JMJD1C: variants seen among roughly 807,000 people sequenced by gnomAD.
JMJD1C encodes the protein jumonji domain containing 1C.
Under a neutral mutation model 245.3 loss-of-function variants are expected in JMJD1C, and 31 were observed. The ratio of observed to expected loss-of-function variants is 0.13; its 90% confidence interval spans 0.09 to 0.17. The LOEUF (loss-of-function observed/expected upper bound fraction) is 0.17. JMJD1C is among the 10% of genes least tolerant of loss of function. The pLI is 1.00. For synonymous variants in JMJD1C, 1,057 were observed against 1,017.4 expected, an observed-to-expected ratio of 1.04 and a Z score of -0.74; for missense variants, 2,691 against 3,000.2, an observed-to-expected ratio of 0.90 and a Z score of 2.41.
chr10:63,286,677 G>A (rs1320210658), intron 2 of JMJD1C, among the ~76,000 whole-genome samples: 1 of 152,030 alleles, frequency 6.6e-6, no homozygotes, highest in South Asian at 2.1e-4. Flanking sequence ...TTTCAAATAC[G>A]AAAAATCTAG....
In JMJD1C at chr10:63,167,812, T is replaced by C. The variant is rs1841984868; in HGVS notation, c.*233A>G. The C allele has an allele frequency of 7.0e-6, 3 of 426,576 alleles. No homozygotes were observed. Among genetic ancestry groups the C allele is most frequent in the Non-Finnish European group, 8.4e-6 (2 of 237,334 alleles). 26.4% of individuals were successfully genotyped at this position (426,576 alleles called of 1,614,324 possible). A position where few individuals can be genotyped will look rare whatever the true frequency, so the allele number is the denominator to read the frequency against. ...TTCACAAACATCATATACACTATAA[T>C]ACAAAACAGCTATATAGTGCTGCTT... is the stretch of plus-strand genomic sequence containing the variant. On this transcript the variant is annotated 3_prime_UTR_variant, in exon 26 of 26. Transcript: ENST00000399262.
intron 10 of JMJD1C, chr10:63,204,242 G>A (rs1025990793): frequency 3.9e-5 from 38 of 984,772 alleles, no homozygotes; most frequent in Non-Finnish European, 4.0e-5. Flanking sequence ...TGGACTTGGT[G>A]AACAAATGGG....
At chr10:63,305,466 CTCT>C (rs1937998158) in intron 2 of JMJD1C, among the ~76,000 whole-genome samples, 2 of 118,832 alleles carry the variant, frequency 1.7e-5, no homozygotes, top group African/African-American at 8.5e-5. Context: ...GACCCTCTCT[CTCT>C]CTCTCTCTCT....
At chr10:63,472,039 AAAACAAAC>A (rs1055525050) in intron 1 of JMJD1C, among the ~76,000 whole-genome samples, 4 of 152,242 alleles carry the variant, frequency 2.6e-5, no homozygotes, top group South Asian at 2.1e-4. Context: ...ACTCAGTCTC[AAAACAAAC>A]AAACAAACAA....
At chr10:63,425,492 A>G (rs1394843145) in intron 1 of JMJD1C, among the ~76,000 whole-genome samples, 1 of 152,184 alleles carries the variant, frequency 6.6e-6, no homozygotes, top group African/African-American at 2.4e-5. Context: ...CTCAGTCAAA[A>G]CTGAAAAGTC....
chr10:63,474,946 T>C (rs376490777), intron 1 of JMJD1C, among the ~76,000 whole-genome samples: 1 of 152,202 alleles, frequency 6.6e-6, no homozygotes, highest in East Asian at 1.9e-4. Flanking sequence ...TGAATGCTGA[T>C]AGAAGTTGGA....
chr10:63,368,063 T>C (rs1016978411), intron 2 of JMJD1C, among the ~76,000 whole-genome samples: 2 of 152,190 alleles, frequency 1.3e-5, no homozygotes, highest in Non-Finnish European at 1.5e-5. Context: ...TAATTTCAAA[T>C]AGTACAGAAT....
intron 2 of JMJD1C, among the ~76,000 whole-genome samples, chr10:63,280,496 G>A (rs1247047627): frequency 1.3e-5 from 2 of 152,086 alleles, no homozygotes; most frequent in Admixed American, 1.3e-4. Flanking sequence ...GTTGCAGTGG[G>A]GCGAGATGGC....
intron 2 of JMJD1C, among the ~76,000 whole-genome samples, chr10:63,314,172 A>G (rs1939619368): frequency 6.6e-6 from 1 of 152,234 alleles, no homozygotes; most frequent in South Asian, 2.1e-4. Flanking sequence ...TTTGTTGAAT[A>G]GGGTGTTCTT....
Position 63,357,014 on chromosome 10 carries a change from C to A in JMJD1C, c.333+23304G>T, listed in dbSNP as rs1944900661. Among the ~76,000 whole-genome samples the A allele has an allele frequency of 2.0e-5, 3 of 151,460 alleles. No homozygotes were observed. The South Asian group carries it at 6.3e-4, about 32-fold the overall frequency. ...AACTTGGTATGCCTTCAAAAATGAA[C>A]TAGTAATAATATATTACTGACATTA... On this transcript the variant is annotated intron_variant, in intron 2 of 25. Transcript: ENST00000399262.
chr10:63,428,852 A>C (rs1281070644), intron 1 of JMJD1C, among the ~76,000 whole-genome samples: 1 of 152,218 alleles, frequency 6.6e-6, no homozygotes, highest in African/African-American at 2.4e-5. Flanking sequence ...TAAGTCTCAG[A>C]ATCTAACAAG....
intron 22 of JMJD1C, among the ~76,000 whole-genome samples, chr10:63,181,334 G>C (rs78500223): frequency 0.018 from 2,694 of 152,172 alleles, 32 homozygotes; most frequent in Non-Finnish European, 0.028. Context: ...TACATGAGGC[G>C]GGGGAGGCAT....
In JMJD1C at chr10:63,194,298, T is replaced by A. The variant is rs1309550015; in HGVS notation, c.5722A>T (p.Ile1908Leu). 3 of 1,607,328 alleles carry A rather than the reference T, an allele frequency of 1.9e-6. No homozygotes were observed. The African/African-American group carries it at 4.0e-5, about 21-fold the overall frequency. ...DHKHLMPTQIIPGSVLTDLLD... is the reference protein window; with the variant it reads ...DHKHLMPTQILPGSVLTDLLD... Reference sequence around the variant, plus strand: ...AAGATATACTTACCAGAACCAGGTATAATTTGGGTTGGCATTAAATGTTTG... The same window carrying A: ...AAGATATACTTACCAGAACCAGGTAAAATTTGGGTTGGCATTAAATGTTTG... The change falls in exon 14 of 26, where the codon ATA becomes TTA. Residue 1908 changes from isoleucine to leucine, a missense_variant. This residue lies in a region of JMJD1C where 139 missense variants were observed against 270.5 expected (regional missense o/e 0.51). Transcript: ENST00000399262.
intron 1 of JMJD1C, among the ~76,000 whole-genome samples, chr10:63,416,413 T>C (rs534290905): frequency 2.0e-5 from 3 of 152,212 alleles, no homozygotes; most frequent in South Asian, 2.1e-4. Context: ...AGGAAAAATC[T>C]ATCTCATTTT....
At chr10:63,235,009 G>A (rs996911353) in intron 3 of JMJD1C, among the ~76,000 whole-genome samples, 7 of 152,000 alleles carry the variant, frequency 4.6e-5, no homozygotes, top group South Asian at 4.1e-4. Context: ...CACATAGTAT[G>A]TATCTGATGA....
At chr10:63,260,381 T>C (rs1430817078) in intron 3 of JMJD1C, among the ~76,000 whole-genome samples, 2 of 152,098 alleles carry the variant, frequency 1.3e-5, no homozygotes, top group Admixed American at 1.3e-4. Context: ...ACCTGAAAAC[T>C]GTAGGTGTGT....
At position 63,167,923 on chromosome 10, in the gene JMJD1C, T is replaced by C. The variant is rs904565408; in HGVS notation, c.*122A>G. ...TGTGGTGTCAGTAACAAGTAATTACTACAAAGAGAATTTCTTGGCACTGAT... is the reference window on the plus strand; with the variant it reads ...TGTGGTGTCAGTAACAAGTAATTACCACAAAGAGAATTTCTTGGCACTGAT... On this transcript the variant is annotated 3_prime_UTR_variant, in exon 26 of 26. Coordinates refer to ENST00000399262, the MANE Select transcript of JMJD1C (RefSeq NM_032776.3). The C allele has an allele frequency of 4.4e-5, 29 of 656,574 alleles. No individual in the cohort carries two copies. Among genetic ancestry groups the C allele is most frequent in the Non-Finnish European group, 7.7e-5 (28 of 365,234 alleles). The allele number at this position is 656,574 out of a possible 1,614,324, so 40.7% of individuals were successfully genotyped here. A position where few individuals can be genotyped will look rare whatever the true frequency, so the allele number is the denominator to read the frequency against.
intron 2 of JMJD1C, among the ~76,000 whole-genome samples, chr10:63,363,076 A>G (rs1044110361): frequency 3.3e-5 from 5 of 152,018 alleles, no homozygotes; most frequent in Admixed American, 2.0e-4. Context: ...TAGAAAAAGG[A>G]TTTTCATTTA....
intron 3 of JMJD1C, chr10:63,222,904 T>A: frequency 6.7e-7 from 1 of 1,497,062 alleles, no homozygotes; most frequent in Non-Finnish European, 9.3e-7. Flanking sequence ...AGTGGGAAAG[T>A]GGGCACTGCT....
Sources: allele counts gnomAD v4.1 joint callset (sites outside exome capture counted in the v4.1 genomes callset), GRCh38; gene constraint gnomAD v4.1.1; regional missense constraint gnomAD v4.1.1; transcripts MANE v1.5; gene names NCBI Gene and HGNC (gene_info 2026-07-23, HGNC 2026-07-21).